ANO3: variants seen among roughly 807,000 people sequenced by gnomAD.
The protein encoded by ANO3 is anoctamin-3.
ANO3 carries 99 observed loss-of-function variants against 144.8 expected under a neutral mutation model. That is an observed-to-expected ratio of 0.68 (90% CI 0.58 to 0.81). The LOEUF is 0.81. Ranked by LOEUF, ANO3 falls within the 30% of genes least tolerant of loss-of-function variation. ANO3 has a pLI of 0.00. For missense variants in ANO3, 905 were observed against 1,202.2 expected (o/e 0.75, Z 3.66); for synonymous variants, 414 against 392.6 (o/e 1.05, Z -0.64).
chr11:26,202,348 TTA>T (rs1443253955), intron 1 of ANO3, among the ~76,000 whole-genome samples: 1 of 146,570 alleles, frequency 6.8e-6, no homozygotes, highest in Non-Finnish European at 1.5e-5. Flanking sequence ...ATATAGATTA[TTA>T]TATATATTAT....
chr11:26,390,081 T>A, intron 1 of ANO3, among the ~76,000 whole-genome samples: 1 of 152,130 alleles, frequency 6.6e-6, no homozygotes, highest in East Asian at 1.9e-4. Flanking sequence ...TGACTTAACA[T>A]GGTTCTCTCT....
intron 3 of ANO3, among the ~76,000 whole-genome samples, chr11:26,452,935 A>G (rs1372337056): frequency 6.6e-6 from 1 of 152,212 alleles, no homozygotes; most frequent in Non-Finnish European, 1.5e-5. Context: ...CAACATTCTT[A>G]AAGAAAACAA....
intron 1 of ANO3, among the ~76,000 whole-genome samples, chr11:26,283,150 C>T (rs1236254571): frequency 6.6e-6 from 1 of 151,024 alleles, no homozygotes; most frequent in Non-Finnish European, 1.5e-5. Flanking sequence ...TTTCAGATTA[C>T]TGTCAAATAT....
intron 1 of ANO3, among the ~76,000 whole-genome samples, chr11:26,403,653 T>C (rs1857206137): frequency 6.6e-6 from 1 of 151,904 alleles, no homozygotes; most frequent in Non-Finnish European, 1.5e-5. Context: ...ATGCCTGTTT[T>C]AACCTTCTAA....
intron 1 of ANO3, among the ~76,000 whole-genome samples, chr11:26,246,822 G>T (rs888041099): frequency 2.6e-5 from 4 of 152,016 alleles, no homozygotes; most frequent in Non-Finnish European, 5.9e-5. Context: ...CAGTTCCCCT[G>T]TCCAAGCCTT....
chr11:26,319,624 T>A (rs1003534210), intron 1 of ANO3, among the ~76,000 whole-genome samples: 3 of 152,182 alleles, frequency 2.0e-5, no homozygotes, highest in African/African-American at 7.2e-5. Context: ...TAGTGCCAAA[T>A]CAATGTATGA....
At chr11:26,295,418 C>T (rs1158887009) in intron 1 of ANO3, among the ~76,000 whole-genome samples, 2 of 149,050 alleles carry the variant, frequency 1.3e-5, no homozygotes, top group African/African-American at 2.5e-5. Flanking sequence ...CCAGCTACTC[C>T]GGAGGCTGAG....
chr11:26,585,053 G>A (rs1851237784), intron 14 of ANO3, among the ~76,000 whole-genome samples: 1 of 152,134 alleles, frequency 6.6e-6, no homozygotes, highest in African/African-American at 2.4e-5. Context: ...GCTTTCCCCT[G>A]ATAACAAAAA....
At chr11:26,193,110 G>A (rs2133904390) in intron 1 of ANO3, among the ~76,000 whole-genome samples, 1 of 142,884 alleles carries the variant, frequency 7.0e-6, no homozygotes, top group East Asian at 2.0e-4. Context: ...TGCTATTATT[G>A]ATAGTGGGAT....
chr11:26,449,460 CTCTG>C (rs1275668613), intron 3 of ANO3, among the ~76,000 whole-genome samples: 4 of 86,122 alleles, frequency 4.6e-5, no homozygotes, highest in East Asian at 4.8e-4. Flanking sequence ...CCCTCTCTCT[CTCTG>C]TCTGTCTGTC....
In ANO3 at chr11:26,599,663, A is replaced by C; in HGVS notation, c.1785A>C (p.Thr595=). 1 of 1,614,158 alleles carries C rather than the reference A, an allele frequency of 6.2e-7. No homozygotes were observed. Residue 595 remains threonine, a synonymous_variant, in exon 17 of 27, where the codon ACA becomes ACC. Transcript: ENST00000256737. ...TCAAACAATACTGGCAGTTTGCAAC[A>C]TCTGCTGCTGCTGTCTGTATCAATT... The part of the protein sequence containing the change: ...NFIKQYWQFA[T]SAAAVCINFI...
chr11:26,352,246 C>T (rs1309781229), intron 1 of ANO3, among the ~76,000 whole-genome samples: 1 of 152,188 alleles, frequency 6.6e-6, no homozygotes, highest in Non-Finnish European at 1.5e-5. Flanking sequence ...CCTCACGACC[C>T]TGTCGCTGAA....
intron 1 of ANO3, among the ~76,000 whole-genome samples, chr11:26,231,390 G>A (rs562094480): frequency 6.6e-6 from 1 of 152,002 alleles, no homozygotes; most frequent in Admixed American, 6.6e-5. Flanking sequence ...ACTCACCACA[G>A]CCACGCATTT....
intron 23 of ANO3, among the ~76,000 whole-genome samples, chr11:26,647,403 G>A (rs1024716545): frequency 6.6e-6 from 1 of 152,142 alleles, no homozygotes; most frequent in Non-Finnish European, 1.5e-5. Context: ...AGCAAGTTCT[G>A]TAAATTAGAC....
intron 1 of ANO3, among the ~76,000 whole-genome samples, chr11:26,397,687 T>C (rs1395536453): frequency 6.6e-6 from 1 of 152,108 alleles, no homozygotes; most frequent in Non-Finnish European, 1.5e-5. Context: ...GTTTATCATT[T>C]CTTTGTGTTG....
chr11:26,223,491 A>G (rs557225516), intron 1 of ANO3, among the ~76,000 whole-genome samples: 55 of 151,754 alleles, frequency 3.6e-4, no homozygotes, highest in African/African-American at 1.3e-3. Flanking sequence ...ATTCTTCCAA[A>G]TTCTACCTGT....
chr11:26,231,878 T>G (rs1399531985), intron 1 of ANO3, among the ~76,000 whole-genome samples: 2 of 152,338 alleles, frequency 1.3e-5, no homozygotes, highest in Middle Eastern at 3.4e-3. Flanking sequence ...TAAAGTGTGC[T>G]TCTGCCATTT....
chr11:26,483,706 A>G (rs560515437), intron 4 of ANO3, among the ~76,000 whole-genome samples: 14 of 152,214 alleles, frequency 9.2e-5, no homozygotes, highest in Non-Finnish European at 1.9e-4. Context: ...ATGAACTAAT[A>G]CAGAAAATTG....
chr11:26,370,690 A>G (rs1425033860), intron 1 of ANO3, among the ~76,000 whole-genome samples: 1 of 152,214 alleles, frequency 6.6e-6, no homozygotes, highest in Non-Finnish European at 1.5e-5. Context: ...TGTTAGTAAT[A>G]TGGACAATAA....
Sources: gnomAD v4.1 joint callset for allele counts (sites outside exome capture counted in the v4.1 genomes callset) on GRCh38, gnomAD v4.1.1 for gene constraint, MANE v1.5 for transcripts, NCBI Gene and HGNC (gene_info 2026-07-23, HGNC 2026-07-21) for gene names.